Variants in RBFOX3 observed in about 807,000 individuals in gnomAD.
The protein encoded by RBFOX3 is RNA binding protein fox-1 homolog 3.
In RBFOX3, 17 loss-of-function variants were observed where a neutral mutation model predicts 48.7. The ratio of observed to expected loss-of-function variants is 0.35; its 90% confidence interval spans 0.24 to 0.52. The LOEUF (loss-of-function observed/expected upper bound fraction) is 0.52, where lower values mean the gene tolerates loss of function less well. Among genes scored for constraint, RBFOX3 ranks in the 20% least tolerant of loss-of-function variants. The pLI is 0.94. For missense variants in RBFOX3, 382 were observed against 497.5 expected, an observed-to-expected ratio of 0.77 and a Z score of 2.21; for synonymous variants, 212 against 209.5, an observed-to-expected ratio of 1.01 and a Z score of -0.10.
chr17:79,266,314 C>T (rs528153008), intron 3 of RBFOX3, among the ~76,000 whole-genome samples: 19 of 152,348 alleles, frequency 1.2e-4, no homozygotes, highest in African/African-American at 3.4e-4. Flanking sequence ...TCCTCATCCT[C>T]GTGGTCCAGG....
chr17:79,303,433 C>T (rs2075622877), intron 3 of RBFOX3, among the ~76,000 whole-genome samples: 2 of 152,078 alleles, frequency 1.3e-5, no homozygotes, highest in Admixed American at 1.3e-4. Flanking sequence ...CAAAGATGCT[C>T]ACCACCTTGT....
the RBFOX3 span, among the ~76,000 whole-genome samples, chr17:79,651,913 A>G: frequency 8.3e-6 from 1 of 120,526 alleles, no homozygotes; most frequent in Admixed American, 9.9e-5. Flanking sequence ...TCAAGCAGCC[A>G]TATGGAGAGG....
chr17:79,620,122 CAT>C, the RBFOX3 span, among the ~76,000 whole-genome samples: 10 of 143,106 alleles, frequency 7.0e-5, no homozygotes, highest in African/African-American at 2.0e-4. Context: ...CATATGCACA[CAT>C]ACACACATGC....
chr17:79,169,533 C>G (rs1363996387), intron 4 of RBFOX3, among the ~76,000 whole-genome samples: 1 of 152,230 alleles, frequency 6.6e-6, no homozygotes, highest in Non-Finnish European at 1.5e-5. Flanking sequence ...GCTGCAAGCC[C>G]TCAGTGCAGA....
At chr17:79,576,501 GA>G (rs2092864735) in intron 1 of RBFOX3, among the ~76,000 whole-genome samples, 1 of 151,904 alleles carries the variant, frequency 6.6e-6, no homozygotes, top group Non-Finnish European at 1.5e-5. Context: ...GGAGATGATG[GA>G]AAAGTTGGAG....
chr17:79,229,957 C>G (rs1019987936), intron 4 of RBFOX3, among the ~76,000 whole-genome samples: 2 of 152,178 alleles, frequency 1.3e-5, no homozygotes, highest in Admixed American at 6.5e-5. Flanking sequence ...TGTCCAAGCT[C>G]CTAATCAGCT....
chr17:79,431,821 C>A (rs2068515014), intron 2 of RBFOX3, among the ~76,000 whole-genome samples: 1 of 152,222 alleles, frequency 6.6e-6, no homozygotes, highest in African/African-American at 2.4e-5. Flanking sequence ...ATCTCTGAAC[C>A]ATTACTATCT....
chr17:79,614,015 G>A (rs892782563), upstream of RBFOX3, among the ~76,000 whole-genome samples: 5 of 152,216 alleles, frequency 3.3e-5, no homozygotes, highest in African/African-American at 4.8e-5. Context: ...AAACCCCAAC[G>A]ACCTGGAGAA....
intron 1 of RBFOX3, among the ~76,000 whole-genome samples, chr17:79,515,569 A>T (rs1934780533): frequency 6.6e-6 from 1 of 152,192 alleles, no homozygotes; most frequent in African/African-American, 2.4e-5. Flanking sequence ...TCCTTCTCAG[A>T]GTCTCTGCTC....
At chr17:79,264,003 A>G (rs2066243600) in intron 3 of RBFOX3, among the ~76,000 whole-genome samples, 1 of 151,900 alleles carries the variant, frequency 6.6e-6, no homozygotes, top group Admixed American at 6.6e-5. Context: ...CAGAGATTGG[A>G]GAGTCAAGGA....
chr17:79,355,783 G>A (rs1216141098), intron 2 of RBFOX3, among the ~76,000 whole-genome samples: 1 of 152,124 alleles, frequency 6.6e-6, no homozygotes, highest in East Asian at 1.9e-4. Flanking sequence ...ATTTCACCAT[G>A]TTGGCCAGGC....
intron 2 of RBFOX3, among the ~76,000 whole-genome samples, chr17:79,438,542 T>C (rs2070094995): frequency 6.6e-6 from 1 of 152,198 alleles, no homozygotes; most frequent in Admixed American, 6.5e-5. Flanking sequence ...GCCCTCACGA[T>C]AGCGGGGCAG....
chr17:79,233,301 C>T (rs2061248052), intron 4 of RBFOX3, among the ~76,000 whole-genome samples: 1 of 152,180 alleles, frequency 6.6e-6, no homozygotes, highest in African/African-American at 2.4e-5. Context: ...AGAAAATATA[C>T]ATATTCTACA....
At chr17:79,429,740 C>T (rs571481196) in intron 2 of RBFOX3, among the ~76,000 whole-genome samples, 40 of 152,264 alleles carry the variant, frequency 2.6e-4, no homozygotes, top group African/African-American at 8.9e-4. Flanking sequence ...ATCAATGACT[C>T]GTCGGGGCCA....
chr17:79,183,088 C>A (rs2052500363), intron 4 of RBFOX3, among the ~76,000 whole-genome samples: 1 of 148,364 alleles, frequency 6.7e-6, no homozygotes, highest in Non-Finnish European at 1.5e-5. Context: ...CGCGCTCGGC[C>A]GCCGCGCAGG....
chr17:79,126,722 G>A (rs879782952), intron 4 of RBFOX3, among the ~76,000 whole-genome samples: 19 of 152,172 alleles, frequency 1.2e-4, no homozygotes, highest in Non-Finnish European at 2.1e-4. Context: ...AGTTTCTGCA[G>A]GAGACACCCA....
intron 3 of RBFOX3, among the ~76,000 whole-genome samples, chr17:79,267,876 G>C (rs527558801): frequency 2.1e-4 from 32 of 152,240 alleles, no homozygotes; most frequent in African/African-American, 7.0e-4. Context: ...GAACGCGCAA[G>C]GCAGAGAGAA....
the RBFOX3 span, among the ~76,000 whole-genome samples, chr17:79,645,131 C>T: frequency 1.3e-5 from 2 of 152,184 alleles, no homozygotes; most frequent in Non-Finnish European, 2.9e-5. Flanking sequence ...GCTGCCCTTA[C>T]CGCTCACCTG....
In RBFOX3 at chr17:79,433,580, C is replaced by T. The variant is rs79490004; in HGVS notation, c.-175+48874G>A. On this transcript the variant is annotated intron_variant, in intron 2 of 14. Coordinates refer to ENST00000693108, the MANE Select transcript of RBFOX3 (RefSeq NM_001350451.2). Reference sequence around the variant, plus strand: ...ACCTCTGTCGTGGCTGGGAGAAGAACCTCCCTTGGGAGCTGCTGCCCCTGG... The same window carrying T: ...ACCTCTGTCGTGGCTGGGAGAAGAATCTCCCTTGGGAGCTGCTGCCCCTGG... Among the ~76,000 whole-genome samples, 1,479 of 152,262 alleles carry T rather than the reference C, an allele frequency of 9.7e-3. 32 individuals are homozygous for T. Among genetic ancestry groups the T allele is most frequent in the African/African-American group, 0.034 (1,407 of 41,548 alleles).
Sources: gnomAD v4.1 joint callset for allele counts (sites outside exome capture counted in the v4.1 genomes callset) on GRCh38, gnomAD v4.1.1 for gene constraint, MANE v1.5 for transcripts, NCBI Gene and HGNC (gene_info 2026-07-23, HGNC 2026-07-21) for gene names.